The following DBF4 variants were observed in gnomAD, a reference collection of about 807,000 sequenced individuals.
The protein encoded by DBF4 is protein DBF4 homolog A.
DBF4 carries 25 observed loss-of-function variants against 76.6 expected under a neutral mutation model. The observed-to-expected ratio is 0.33, with a 90% CI of 0.24 to 0.46. DBF4 has a LOEUF of 0.46. Ranked by LOEUF, DBF4 falls within the 20% of genes least tolerant of loss-of-function variation. DBF4 has a pLI of 1.00. For synonymous variants in DBF4, 213 were observed against 258.0 expected, an observed-to-expected ratio of 0.83 and a Z score of 1.67; for missense variants, 638 against 760.8, an observed-to-expected ratio of 0.84 and a Z score of 1.90.
intron 11 of DBF4, among the ~76,000 whole-genome samples, chr7:87,906,029 A>G (rs1208258635): frequency 2.6e-5 from 4 of 151,990 alleles, no homozygotes; most frequent in East Asian, 1.9e-4. Context: ...GTGGTGGCAC[A>G]TGCCTGTAGT....
chr7:87,896,600 G>T, intron 7 of DBF4, 90 bp downstream of exon 7: 7 of 1,180,308 alleles, frequency 5.9e-6, no homozygotes, highest in Non-Finnish European at 8.6e-6. Context: ...CCCTCTAAAT[G>T]ATTTATTCAA....
intron 11 of DBF4, 61 bp downstream of exon 11, chr7:87,904,477 T>C (rs551865525): frequency 8.4e-5 from 129 of 1,534,452 alleles, no homozygotes; most frequent in Non-Finnish European, 1.1e-4. Flanking sequence ...TGGTGGCTCA[T>C]GCCTGTAATC....
intron 2 of DBF4, among the ~76,000 whole-genome samples, chr7:87,883,567 T>C (rs1023351333): frequency 3.9e-5 from 6 of 152,332 alleles, no homozygotes; most frequent in Middle Eastern, 3.4e-3. Context: ...CTGGCCCTTA[T>C]AGGCATTTGA....
intron 6 of DBF4, among the ~76,000 whole-genome samples, chr7:87,890,321 A>G (rs1260750917): frequency 6.6e-6 from 1 of 152,144 alleles, no homozygotes; most frequent in African/African-American, 2.4e-5. Context: ...GGCAGATCAC[A>G]CGAGGTCAGG....
In DBF4 at chr7:87,904,309, A is replaced by C; in HGVS notation, c.942A>C (p.Gln314His). The C allele has an allele frequency of 6.2e-7, 1 of 1,610,468 alleles. No homozygotes were observed. The highest frequency in any genetic ancestry group is 1.1e-5 in the South Asian group (1 of 89,958). ...EDLETHLLSEQHRNFAQSNQY... is the reference protein window; with the variant it reads ...EDLETHLLSEHHRNFAQSNQY... ...TGTTTTAGCACCTTCTAAGTGAGCA[A>C]CACAGAAACTTTGCACAGAGTAACC... is the stretch of plus-strand genomic sequence containing the variant. The change falls in exon 11 of 12, where the codon CAA becomes CAC. Residue 314 changes from glutamine to histidine, a missense_variant. Gln to His is a conservative substitution (Grantham distance 24). Coordinates refer to ENST00000265728, the MANE Select transcript of DBF4 (RefSeq NM_006716.4).
At chr7:87,886,714 A>G (rs920817466) in intron 3 of DBF4, 130 bp from the exon 4 acceptor site, 2 of 629,178 alleles carry the variant, frequency 3.2e-6, no homozygotes, top group Non-Finnish European at 5.6e-6. Context: ...CTACAAAACC[A>G]AAGAGGTCAC....
intron 1 of DBF4, among the ~76,000 whole-genome samples, chr7:87,877,742 T>C (rs1839104408): frequency 1.3e-5 from 2 of 152,228 alleles, no homozygotes; most frequent in South Asian, 4.1e-4. Flanking sequence ...GAGTATTAAA[T>C]ATCCCCATGG....
rs61758726 is a variant in DBF4, at chr7:87,897,334, G to A, written c.675G>A (p.Met225Ile). Residue 225 changes from methionine (M) to isoleucine (I), a missense_variant, in exon 8 of 12, where the codon ATG (methionine) becomes ATA (isoleucine). Transcript: ENST00000265728. ...AGCCTTTTGTAAAGGTGGAAGATAT[G>A]AGCCAGTAAGTATTTAAGTCCAATC... ...LKKPFVKVED[M>I]SQLYRPFYLQ... 11,031 of 1,612,080 alleles carry A rather than the reference G, an allele frequency of 6.8e-3. 62 individuals are homozygous for A. Among genetic ancestry groups the A allele is most frequent in the Non-Finnish European group, 7.6e-3 (8,976 of 1,179,172 alleles).
At chr7:87,878,881 G>A (rs1031420789) in intron 2 of DBF4, among the ~76,000 whole-genome samples, 17 of 152,176 alleles carry the variant, frequency 1.1e-4, no homozygotes, top group African/African-American at 4.1e-4. Context: ...CTTTCTGAAG[G>A]TCTGCGTCTT....
At chr7:87,900,104 C>A (rs1394200032) in intron 8 of DBF4, 117 bp from the exon 9 acceptor site, 35 of 873,036 alleles carry the variant, frequency 4.0e-5, no homozygotes, top group Non-Finnish European at 3.8e-5. Context: ...GAAGGAAAGC[C>A]TAAATAATTT....
Position 87,900,873 on chromosome 7 carries a change from G to A in DBF4, c.919G>A (p.Glu307Lys). Residue 307 changes from glutamate (E) to lysine (K), a missense_variant, in exon 10 of 12, where the codon GAA becomes AAA. Glu to Lys is a moderately conservative substitution (Grantham distance 56, BLOSUM62 1). Coordinates refer to ENST00000265728, the MANE Select transcript of DBF4 (RefSeq NM_006716.4). ...ECCLQKYEDL[E>K]THLLSEQHRN... is the part of the protein sequence containing the mutation. ...TTGCTTGCAGAAATATGAAGATCTA[G>A]AAACTGTAAATGTGATTTTATATTT... is the stretch of plus-strand genomic sequence containing the variant. 1 of 1,610,828 alleles carries A rather than the reference G, an allele frequency of 6.2e-7. No homozygotes were observed.
chr7:87,882,808 T>C (rs768992690), intron 2 of DBF4, among the ~76,000 whole-genome samples: 3 of 152,108 alleles, frequency 2.0e-5, no homozygotes, highest in Non-Finnish European at 4.4e-5. Context: ...AAATAACAAG[T>C]GTTAACAAAG....
intron 2 of DBF4, 30 bp from the exon 3 acceptor site, chr7:87,884,949 T>G (rs750494853): frequency 6.5e-7 from 1 of 1,546,582 alleles, no homozygotes; most frequent in Non-Finnish European, 8.8e-7. Context: ...AAAACAAATT[T>G]ATAAATAAAA....
intron 2 of DBF4, among the ~76,000 whole-genome samples, chr7:87,882,881 C>T (rs972362890): frequency 6.6e-6 from 1 of 152,012 alleles, no homozygotes; most frequent in African/African-American, 2.4e-5. Flanking sequence ...AGCCACCATA[C>T]AAAATAGTAT....
Position 87,900,314 on chromosome 7 carries a change from A to C in DBF4, c.774A>C (p.Pro258=). Residue 258 remains proline (P), a synonymous_variant, in exon 9 of 12, where the codon CCA becomes CCC. Transcript: ENST00000265728. ...KPCSPFDVDK[P]SSMQKQTQVK... ...GCAGTCCATTTGATGTAGACAAGCC[A>C]TCTAGTATGCAAAAGCAAACTCAGG... is the stretch of plus-strand genomic sequence containing the variant. 6.3e-7 allele frequency: 1 copy of C among 1,597,250 alleles called. No individual in the cohort carries two copies. The highest frequency in any genetic ancestry group is 8.5e-7 in the Non-Finnish European group (1 of 1,175,660).
In DBF4 at chr7:87,887,374, G is replaced by C; in HGVS notation, c.496G>C (p.Gly166Arg). ...TATATTATCAAATGCCTTGTCATGG[G>C]GAGTAAAAATTCTTCATATTGATGG... Reference protein sequence around the residue: ...NSILSNALSWGVKILHIDDIR... With the variant: ...NSILSNALSWRVKILHIDDIR... Residue 166 changes from glycine to arginine, a missense_variant, in exon 5 of 12, where the codon GGA becomes CGA. Physicochemically the swap from Gly to Arg is moderately radical, Grantham distance 125. Coordinates refer to ENST00000265728, the MANE Select transcript of DBF4 (RefSeq NM_006716.4). The C allele has an allele frequency of 6.4e-7, 1 of 1,565,684 alleles. No individual in the cohort carries two copies. The highest frequency in any genetic ancestry group is 8.7e-7 in the Non-Finnish European group (1 of 1,145,618).
intron 6 of DBF4, among the ~76,000 whole-genome samples, chr7:87,888,705 T>C (rs1839419455): frequency 6.6e-6 from 1 of 152,194 alleles, no homozygotes; most frequent in African/African-American, 2.4e-5. Flanking sequence ...GATCTCTACT[T>C]TTATACTTCC....
chr7:87,886,813 T>G, intron 3 of DBF4, 31 bp from the exon 4 acceptor site: 1 of 1,337,480 alleles, frequency 7.5e-7, no homozygotes, highest in South Asian at 1.2e-5. Context: ...AGTTAAGCAC[T>G]ATGTTTTAAA....
intron 11 of DBF4, among the ~76,000 whole-genome samples, chr7:87,905,762 G>C (rs1429423044): frequency 2.0e-5 from 3 of 152,098 alleles, no homozygotes; most frequent in Non-Finnish European, 4.4e-5. Context: ...TTTTACTTCA[G>C]GTAAAACAGT....
Sources: allele counts gnomAD v4.1 joint callset (sites outside exome capture counted in the v4.1 genomes callset), GRCh38; gene constraint gnomAD v4.1.1; transcripts MANE v1.5; gene names NCBI Gene and HGNC (gene_info 2026-07-23, HGNC 2026-07-21).